PTPRK: variants seen among roughly 807,000 people sequenced by gnomAD.
PTPRK encodes receptor-type tyrosine-protein phosphatase kappa.
A neutral mutation model predicts 178.0 loss-of-function variants in PTPRK; 75 were observed. The observed-to-expected ratio is 0.42, with a 90% CI of 0.35 to 0.51. The LOEUF is 0.51. PTPRK is among the 20% of genes least tolerant of loss of function. The pLI is 0.02. For synonymous variants in PTPRK, 637 were observed against 620.6 expected, an observed-to-expected ratio of 1.03 and a Z score of -0.39; for missense variants, 1,441 against 1,797.8, an observed-to-expected ratio of 0.80 and a Z score of 3.59.
At chr6:128,443,506 A>G (rs1846552298) in intron 1 of PTPRK, among the ~76,000 whole-genome samples, 1 of 152,202 alleles carries the variant, frequency 6.6e-6, no homozygotes, top group African/African-American at 2.4e-5. Context: ...TGGAGCCTGG[A>G]TTTGAGGGAA....
intron 7 of PTPRK, among the ~76,000 whole-genome samples, chr6:128,121,242 A>G (rs935990502): frequency 2.0e-5 from 3 of 152,060 alleles, no homozygotes; most frequent in Admixed American, 2.0e-4. Context: ...GATGACTCCA[A>G]TGTAGAACAG....
chr6:128,520,422 C>T lies in PTPRK; in HGVS notation c.-64G>A. On this transcript the variant is annotated 5_prime_UTR_variant, in exon 1 of 30. Coordinates refer to ENST00000368226, the MANE Select transcript of PTPRK (RefSeq NM_002844.4). ...GCTGCCGGGGGGATCGCCGCGAAAT[C>T]CACGACGGAGGAGCGGGCCGGGCCT... 4 of 1,498,120 alleles carry T rather than the reference C, an allele frequency of 2.7e-6. No homozygotes were observed. The Admixed American group carries it at 7.8e-5, about 29-fold the overall frequency. The allele number at this position is 1,498,120 out of a possible 1,614,324, so 92.8% of individuals were successfully genotyped here.
At chr6:128,253,937 TACAG>T (rs921717243) in intron 3 of PTPRK, among the ~76,000 whole-genome samples, 12 of 152,310 alleles carry the variant, frequency 7.9e-5, no homozygotes, top group African/African-American at 2.2e-4. Flanking sequence ...TGAGCCTACA[TACAG>T]ACAAAGTTCA....
intron 7 of PTPRK, among the ~76,000 whole-genome samples, chr6:128,142,906 G>A (rs1428075249): frequency 6.6e-6 from 1 of 151,768 alleles, no homozygotes; most frequent in Non-Finnish European, 1.5e-5. Context: ...GAGACAATTT[G>A]GTACATTGTT....
intron 3 of PTPRK, chr6:128,321,629 G>C: frequency 3.5e-6 from 2 of 568,290 alleles, no homozygotes; most frequent in East Asian, 5.9e-5. Flanking sequence ...CTTTCAAAAA[G>C]TCAGTAAATC....
intron 1 of PTPRK, among the ~76,000 whole-genome samples, chr6:128,450,356 T>C (rs1847631934): frequency 6.6e-6 from 1 of 152,220 alleles, no homozygotes; most frequent in African/African-American, 2.4e-5. Context: ...GTAATAGCAA[T>C]TTAATTTATC....
intron 7 of PTPRK, among the ~76,000 whole-genome samples, chr6:128,139,251 C>T (rs886803577): frequency 2.6e-5 from 4 of 151,970 alleles, no homozygotes; most frequent in African/African-American, 7.2e-5. Flanking sequence ...AGTGGTAAAC[C>T]TCTGCAGGTT....
intron 10 of PTPRK, 82 bp from the exon 11 acceptor site, chr6:128,079,000 AGTTAGG>A: frequency 1.2e-6 from 1 of 854,434 alleles, no homozygotes; most frequent in Admixed American, 2.3e-5. Flanking sequence ...GACAATCTTA[AGTTAGG>A]AAAAAAAAAT....
chr6:128,403,691 G>C (rs1249767520), intron 1 of PTPRK, among the ~76,000 whole-genome samples: 1 of 151,926 alleles, frequency 6.6e-6, no homozygotes, highest in African/African-American at 2.4e-5. Context: ...TTAACAAAAA[G>C]AGAAATATGG....
intron 13 of PTPRK, among the ~76,000 whole-genome samples, chr6:128,014,932 A>C (rs1779438295): frequency 6.6e-6 from 1 of 151,826 alleles, no homozygotes; most frequent in African/African-American, 2.4e-5. Flanking sequence ...GAGCAGCTAA[A>C]TGCCACGTGC....
chr6:128,308,856 A>G (rs1242704104), intron 3 of PTPRK, among the ~76,000 whole-genome samples: 1 of 152,200 alleles, frequency 6.6e-6, no homozygotes, highest in Non-Finnish European at 1.5e-5. Context: ...TTGCAGCTGA[A>G]TGAAACCTTT....
At chr6:128,424,643 T>G (rs549899239) in intron 1 of PTPRK, among the ~76,000 whole-genome samples, 1 of 152,278 alleles carries the variant, frequency 6.6e-6, no homozygotes, top group South Asian at 2.1e-4. Context: ...GAGGATACTC[T>G]TCTAGTGTCA....
At chr6:128,377,281 G>A (rs1837238376) in intron 2 of PTPRK, among the ~76,000 whole-genome samples, 1 of 152,166 alleles carries the variant, frequency 6.6e-6, no homozygotes, top group African/African-American at 2.4e-5. Context: ...CATGGTGGAA[G>A]GCAAGGAGGA....
At chr6:128,188,023 C>T (rs1007421169) in intron 6 of PTPRK, among the ~76,000 whole-genome samples, 1 of 152,034 alleles carries the variant, frequency 6.6e-6, no homozygotes, top group African/African-American at 2.4e-5. Context: ...AATCGTTCTG[C>T]AGCAATATTA....
chr6:128,206,608 G>C (rs1421433760), intron 6 of PTPRK, among the ~76,000 whole-genome samples: 1 of 152,012 alleles, frequency 6.6e-6, no homozygotes, highest in Non-Finnish European at 1.5e-5. Context: ...AAGTGTTAGA[G>C]ATTACTCTTT....
At chr6:128,139,487 G>T (rs1795470114) in intron 7 of PTPRK, among the ~76,000 whole-genome samples, 1 of 151,986 alleles carries the variant, frequency 6.6e-6, no homozygotes, top group African/African-American at 2.4e-5. Flanking sequence ...TGAGAACCTA[G>T]ATACAAAAAC....
At chr6:128,034,115 A>C (rs1775806848) in intron 13 of PTPRK, among the ~76,000 whole-genome samples, 1 of 152,178 alleles carries the variant, frequency 6.6e-6, no homozygotes, top group African/African-American at 2.4e-5. Context: ...GTGTAGACTA[A>C]ACCGTTCTCA....
chr6:128,232,594 T>C (rs1812492212), intron 5 of PTPRK, among the ~76,000 whole-genome samples: 3 of 152,208 alleles, frequency 2.0e-5, no homozygotes, highest in Admixed American at 2.0e-4. Flanking sequence ...ATCATGTCAT[T>C]ATTATACTTT....
chr6:128,428,548 G>A (rs1466819537), intron 1 of PTPRK, among the ~76,000 whole-genome samples: 3 of 152,192 alleles, frequency 2.0e-5, no homozygotes, highest in Admixed American at 2.0e-4. Flanking sequence ...ACCTCCCTGA[G>A]GAGGAACTAG....
Sources: allele counts gnomAD v4.1 joint callset (sites outside exome capture counted in the v4.1 genomes callset), GRCh38; gene constraint gnomAD v4.1.1; transcripts MANE v1.5; gene names NCBI Gene and HGNC (gene_info 2026-07-23, HGNC 2026-07-21).